The following ZNF107 variants were observed in gnomAD, a reference collection of about 807,000 sequenced individuals.
The protein encoded by ZNF107 is zinc finger protein 107.
ZNF107 carries 19 observed loss-of-function variants against 12.3 expected under a neutral mutation model. That is an observed-to-expected ratio of 1.55 (90% CI 1.08 to 2.27). The LOEUF is 2.27. Among genes scored for constraint, ZNF107 ranks in the 30% most tolerant of loss-of-function variants. ZNF107 has a pLI of 0.00. For missense variants in ZNF107, 958 were observed against 979.9 expected (o/e 0.98, Z 0.30); for synonymous variants, 317 against 330.5 (o/e 0.96, Z 0.44).
intron 1 of ZNF107, among the ~76,000 whole-genome samples, chr7:64,670,137 C>T (rs1289171780): frequency 2.0e-5 from 3 of 152,012 alleles, no homozygotes; most frequent in African/African-American, 7.3e-5. Flanking sequence ...AAGTTGTTAT[C>T]GTTTTGAGGC....
chr7:64,707,618 A>G lies in ZNF107; in HGVS notation c.1521A>G (p.Lys507=). 6.2e-7 allele frequency: 1 copy of G among 1,612,818 alleles called. No individual in the cohort carries two copies. Among genetic ancestry groups the G allele is most frequent in the East Asian group, 2.2e-5 (1 of 44,790 alleles). ...ATAAGAAAATTCATACTGGAGAGAA[A>G]CCCTACAAATGTGAAGAATGTGACA... ...TRHKKIHTGE[K]PYKCEECDRA... is the part of the protein sequence containing the mutation. Residue 507 remains lysine (K), a synonymous_variant, in exon 4 of 4, where the codon AAA becomes AAG. Coordinates refer to ENST00000620827, the MANE Select transcript of ZNF107 (RefSeq NM_001282359.2).
At chr7:64,695,390 A>G (rs1037064257) in intron 3 of ZNF107, among the ~76,000 whole-genome samples, 8 of 152,216 alleles carry the variant, frequency 5.3e-5, no homozygotes, top group African/African-American at 1.9e-4. Context: ...TATTGCAGTT[A>G]TCTAGACAAA....
At chr7:64,689,003 C>T (rs1018604653) in intron 1 of ZNF107, among the ~76,000 whole-genome samples, 2 of 152,146 alleles carry the variant, frequency 1.3e-5, no homozygotes, top group Admixed American at 6.6e-5. Flanking sequence ...CTTGCAGCTG[C>T]GCTAATCAAA....
intron 3 of ZNF107, among the ~76,000 whole-genome samples, chr7:64,695,462 T>A (rs1445293978): frequency 6.6e-6 from 1 of 152,210 alleles, no homozygotes; most frequent in Non-Finnish European, 1.5e-5. Flanking sequence ...TTTTTCTTAT[T>A]GTTTTGTAGT....
At chr7:64,677,403 C>T (rs945077372) in intron 1 of ZNF107, among the ~76,000 whole-genome samples, 37 of 151,548 alleles carry the variant, frequency 2.4e-4, no homozygotes, top group Non-Finnish European at 5.0e-4. Flanking sequence ...AACTCATGAC[C>T]TTAGGTGATC....
intron 3 of ZNF107, among the ~76,000 whole-genome samples, chr7:64,694,307 A>G (rs7802372): frequency 0.35 from 52,844 of 151,964 alleles, 9,701 homozygotes; most frequent in Non-Finnish European, 0.4. Flanking sequence ...GTTCAGAATT[A>G]GTGGGACCAA....
intron 1 of ZNF107, chr7:64,687,329 C>T (rs1789956655): frequency 1.0e-6 from 1 of 985,372 alleles, no homozygotes; most frequent in Non-Finnish European, 1.2e-6. Flanking sequence ...GGCTTAAACA[C>T]TGCACCCATT....
intron 3 of ZNF107, among the ~76,000 whole-genome samples, chr7:64,701,453 TAG>T (rs1418916428): frequency 1.3e-5 from 2 of 151,120 alleles, no homozygotes; most frequent in African/African-American, 4.9e-5. Context: ...TTTTTTCTAG[TAG>T]AGACAGGGTT....
At chr7:64,680,851 A>G (rs997032972) in intron 1 of ZNF107, among the ~76,000 whole-genome samples, 18 of 152,174 alleles carry the variant, frequency 1.2e-4, no homozygotes, top group African/African-American at 4.3e-4. Flanking sequence ...TGAATTACAG[A>G]TGCTTGCCTC....
chr7:64,699,192 CTAT>C (rs1790389945), intron 3 of ZNF107, among the ~76,000 whole-genome samples: 1 of 151,800 alleles, frequency 6.6e-6, no homozygotes, highest in Non-Finnish European at 1.5e-5. Flanking sequence ...AAAAATTGTG[CTAT>C]TAAGATTTTT....
At chr7:64,693,165 A>ATTTTTTTTTTTTTTTTTTT (rs34734604) in intron 3 of ZNF107, among the ~76,000 whole-genome samples, 2 of 110,106 alleles carry the variant, frequency 1.8e-5, no homozygotes, top group Non-Finnish European at 1.8e-5. Context: ...CACTCAGCTA[A>ATTTTTTTTTTTTTTTTTTT]TTTTTTTTTT....
In ZNF107 at chr7:64,708,591, C is replaced by G. The variant is rs2128969786; in HGVS notation, c.2494C>G (p.Leu832Val). 5 of 1,611,568 alleles carry G rather than the reference C, an allele frequency of 3.1e-6. No homozygotes were observed. The highest frequency in any genetic ancestry group is 4.2e-6 in the Non-Finnish European group (5 of 1,178,940). ...YGRAFNLSSN[L>V]TTHKKIHTGE... ...CAGAGCTTTCAACCTATCCTCAAATCTTACTACACATAAGAAAATTCATAC... is the reference window on the plus strand; with the variant it reads ...CAGAGCTTTCAACCTATCCTCAAATGTTACTACACATAAGAAAATTCATAC... Residue 832 changes from leucine to valine, a missense_variant, in exon 4 of 4, where the codon CTT (leucine) becomes GTT (valine). Transcript: ENST00000620827.
chr7:64,692,110 A>G, intron 3 of ZNF107, 150 bp downstream of exon 3: 1 of 379,390 alleles, frequency 2.6e-6, no homozygotes, highest in Non-Finnish European at 4.5e-6. Context: ...TTTTGCTGTC[A>G]CATAGGGCAT....
intron 1 of ZNF107, among the ~76,000 whole-genome samples, chr7:64,677,831 G>A (rs1184555368): frequency 7.6e-6 from 1 of 131,506 alleles, no homozygotes; most frequent in African/African-American, 2.9e-5. Flanking sequence ...CAGCCTGGGC[G>A]ACAGAGCAAG....
intron 1 of ZNF107, among the ~76,000 whole-genome samples, chr7:64,682,573 T>C (rs1789727401): frequency 6.6e-6 from 1 of 152,172 alleles, no homozygotes; most frequent in Non-Finnish European, 1.5e-5. Context: ...GGATGTGCAG[T>C]TGGGGTCCTA....
chr7:64,678,331 C>T (rs1789506802), intron 1 of ZNF107, among the ~76,000 whole-genome samples: 1 of 152,118 alleles, frequency 6.6e-6, no homozygotes, highest in Non-Finnish European at 1.5e-5. Context: ...GATTATCCAA[C>T]GTAATTATCT....
At position 64,708,203 on chromosome 7, in the gene ZNF107, G is replaced by A. The variant is rs776531463; in HGVS notation, c.2106G>A (p.Glu702=). 3.1e-6 allele frequency: 5 copies of A among 1,612,982 alleles called. No individual in the cohort carries two copies. Among genetic ancestry groups the A allele is most frequent in the Non-Finnish European group, 4.2e-6 (5 of 1,179,652 alleles). ...LTIHKRIHTG[E]KPYQCAECGK... ...TACATAAGAGAATTCATACGGGAGA[G>A]AAACCTTACCAATGTGCAGAATGTG... Residue 702 remains glutamate, a synonymous_variant, in exon 4 of 4, where the codon GAG becomes GAA. Transcript: ENST00000620827.
chr7:64,666,461 G>C (rs1789008122), intron 1 of ZNF107, among the ~76,000 whole-genome samples, 176 bp downstream of exon 1: 1 of 152,164 alleles, frequency 6.6e-6, no homozygotes. Flanking sequence ...TCGGTCCTCA[G>C]TCCCCTTCAG....
At chr7:64,679,283 G>GACCTCGGT in intron 1 of ZNF107, 4 of 984,980 alleles carry the variant, frequency 4.1e-6, no homozygotes, top group Non-Finnish European at 4.8e-6. Context: ...ACCCACCCGC[G>GACCTCGGT]ACCTCGGTAC....
Sources: gnomAD v4.1 joint callset for allele counts (sites outside exome capture counted in the v4.1 genomes callset) on GRCh38, gnomAD v4.1.1 for gene constraint, MANE v1.5 for transcripts, NCBI Gene and HGNC (gene_info 2026-07-23, HGNC 2026-07-21) for gene names.